DNPH1: variants seen among roughly 807,000 people sequenced by gnomAD.
DNPH1 encodes 2'-deoxynucleoside 5'-phosphate N-hydrolase 1.
A neutral mutation model predicts 15.7 loss-of-function variants in DNPH1; 18 were observed. The observed-to-expected ratio is 1.15, with a 90% CI of 0.79 to 1.70. The LOEUF (loss-of-function observed/expected upper bound fraction) is 1.70. Ranked by LOEUF, DNPH1 falls within the 40% of genes most tolerant of loss-of-function variation. The probability of loss-of-function intolerance (pLI) is 0.00; values close to 1 mark genes in which losing one functional copy is unlikely to be tolerated. For synonymous variants in DNPH1, 114 were observed against 107.9 expected, an observed-to-expected ratio of 1.06 and a Z score of -0.35; for missense variants, 262 against 255.2, an observed-to-expected ratio of 1.03 and a Z score of -0.18.
Position 43,225,791 on chromosome 6 carries a change from C to G in DNPH1, c.467G>C (p.Arg156Pro), listed in dbSNP as rs373245097. 130 of 1,614,084 alleles carry G rather than the reference C, an allele frequency of 8.1e-5. No homozygotes were observed. Among genetic ancestry groups the G allele is most frequent in the Non-Finnish European group, 1.1e-4 (127 of 1,180,054 alleles). ...CCCTGGAGGATCAGCCTCGAAGTAT[C>G]GATCCAGCAGGGCCTCCACCTCTCC... ...EEGEVEALLD[R>P]YFEADPPGQV... is the part of the protein sequence containing the mutation. Residue 156 changes from arginine to proline, a missense_variant, in exon 4 of 4, where the codon CGA becomes CCA. By Grantham distance (103) the Arg-to-Pro change is moderately radical. Transcript: ENST00000230431.
At chr6:43,228,280 G>A (rs1776772464) in intron 1 of DNPH1, among the ~76,000 whole-genome samples, 1 of 151,318 alleles carries the variant, frequency 6.6e-6, no homozygotes, top group African/African-American at 2.4e-5. Context: ...AACATAGTGA[G>A]ACTCCCAATC....
Position 43,226,482 on chromosome 6 carries a change from T to G in DNPH1, c.197-87A>C. 3.3e-6 allele frequency: 4 copies of G among 1,207,242 alleles called. No homozygotes were observed. The highest frequency in any genetic ancestry group is 4.6e-6 in the Non-Finnish European group (4 of 873,406). The allele number at this position is 1,207,242 out of a possible 1,614,324, so 74.8% of individuals were successfully genotyped here. A position where few individuals can be genotyped will look rare whatever the true frequency, so the allele number is the denominator to read the frequency against. Reference sequence around the variant, plus strand: ...CCTTGTATGTCCATACCCACCCTGCTCAGGGAGGGTGGGAGCCTTGTGCCA... The same window carrying G: ...CCTTGTATGTCCATACCCACCCTGCGCAGGGAGGGTGGGAGCCTTGTGCCA... On this transcript the variant is annotated intron_variant, in intron 1 of 3. Transcript: ENST00000230431. This position sits in a 1 kb window ranked among gnomAD's most constrained non-coding sequence, Gnocchi z 4.1.
chr6:43,227,053 G>A (rs1485763635), intron 1 of DNPH1, among the ~76,000 whole-genome samples: 1 of 151,904 alleles, frequency 6.6e-6, no homozygotes, highest in Non-Finnish European at 1.5e-5. Flanking sequence ...GTTGCAGTGA[G>A]CTGAGATCGC....
In DNPH1 at chr6:43,225,762, C is replaced by T. The variant is rs769545714; in HGVS notation, c.496G>A (p.Val166Met). The change falls in exon 4 of 4, where the codon GTG becomes ATG. Residue 166 changes from valine to methionine, a missense_variant. By Grantham distance (21) the Val-to-Met change is conservative (BLOSUM62 1). Coordinates refer to ENST00000230431, the MANE Select transcript of DNPH1 (RefSeq NM_006443.3). Reference sequence around the variant, plus strand: ...GTGGTTGGGTCAGGGGAGGCAGCCACCTGCCCTGGAGGATCAGCCTCGAAG... The same window carrying T: ...GTGGTTGGGTCAGGGGAGGCAGCCATCTGCCCTGGAGGATCAGCCTCGAAG... ...RYFEADPPGQ[V>M]AASPDPTT The T allele has an allele frequency of 3.1e-6, 5 of 1,614,074 alleles. No homozygotes were observed. The African/African-American group carries it at 6.7e-5, about 22-fold the overall frequency.
rs1476997675 is a variant in DNPH1, at chr6:43,226,509, A to G, written c.197-114T>C. 5.7e-6 allele frequency: 5 copies of G among 873,256 alleles called. No homozygotes were observed. The East Asian group carries it at 1.1e-4, about 19-fold the overall frequency. 54.1% of individuals were successfully genotyped at this position (873,256 alleles called of 1,614,324 possible). On this transcript the variant is annotated intron_variant, in intron 1 of 3. Coordinates refer to ENST00000230431, the MANE Select transcript of DNPH1 (RefSeq NM_006443.3). This position sits in a 1 kb window ranked among gnomAD's most constrained non-coding sequence, Gnocchi z 4.1. The stretch of plus-strand genomic sequence containing the variant: ...AGGGAGGGTGGGAGCCTTGTGCCAG[A>G]TGACCTGACCAAACATGACAATCTC...
In DNPH1 at chr6:43,225,876, A is replaced by G. The variant is rs1776721517; in HGVS notation, c.382T>C (p.Ser128Pro). Residue 128 changes from serine (S) to proline (P), a missense_variant, in exon 4 of 4, where the codon TCG (serine) becomes CCG (proline). Ser to Pro is a moderately conservative substitution (Grantham distance 74, BLOSUM62 -1). Coordinates refer to ENST00000230431, the MANE Select transcript of DNPH1 (RefSeq NM_006443.3). ...TCTGCTGCTCCCCGGATCATGGCCG[A>G]AAGCACTGGAAAGGGCAGGGAAAGG... is the stretch of plus-strand genomic sequence containing the variant. ...LFRPQSGRVL[S>P]AMIRGAADGS... 6.2e-7 allele frequency: 1 copy of G among 1,613,946 alleles called. No homozygotes were observed. The highest frequency in any genetic ancestry group is 1.1e-5 in the South Asian group (1 of 91,072).
At chr6:43,227,296 T>C (rs563671387) in intron 1 of DNPH1, among the ~76,000 whole-genome samples, 1 of 151,800 alleles carries the variant, frequency 6.6e-6, no homozygotes, top group East Asian at 1.9e-4. Flanking sequence ...GCGCCTGTAA[T>C]CCCAGCTACT....
chr6:43,226,134 G>A lies in DNPH1; in HGVS notation c.275C>T (p.Ala92Val). Reference protein sequence around the residue: ...EWLQQADVVVAEVTQPSLGVG... With the variant: ...EWLQQADVVVVEVTQPSLGVG... ...ACCCAAGGATGGCTGTGTCACTTCTGCCACGACCACTGGGAGGAAAGATGA... is the reference window on the plus strand; with the variant it reads ...ACCCAAGGATGGCTGTGTCACTTCTACCACGACCACTGGGAGGAAAGATGA... The change falls in exon 3 of 4, where the codon GCA becomes GTA. Residue 92 changes from alanine (A) to valine (V), a missense_variant. By Grantham distance (64) the Ala-to-Val change is moderately conservative. Coordinates refer to ENST00000230431, the MANE Select transcript of DNPH1 (RefSeq NM_006443.3). This position sits in a 1 kb window ranked among gnomAD's most constrained non-coding sequence, Gnocchi z 4.1. 6.2e-7 allele frequency: 1 copy of A among 1,613,210 alleles called. No individual in the cohort carries two copies.
At chr6:43,228,545 G>A (rs910187629) in intron 1 of DNPH1, among the ~76,000 whole-genome samples, 1 of 152,126 alleles carries the variant, frequency 6.6e-6, no homozygotes, top group African/African-American at 2.4e-5. Flanking sequence ...GGGGAGGCAG[G>A]CCCTGGGCGG....
At position 43,229,443 on chromosome 6, in the gene DNPH1, A is replaced by G. The variant is rs992282412; in HGVS notation, c.14T>C (p.Met5Thr). Residue 5 changes from methionine (M) to threonine (T), a missense_variant, in exon 1 of 4, where the codon ATG (methionine) becomes ACG (threonine). Coordinates refer to ENST00000230431, the MANE Select transcript of DNPH1 (RefSeq NM_006443.3). The part of the protein sequence containing the change: MAAA[M>T]VPGRSESWER... ...CCAGCTCTCGCTGCGCCCCGGCACC[A>G]TGGCAGCAGCCATTCCCCAGCCGCC... 3 of 1,340,470 alleles carry G rather than the reference A, an allele frequency of 2.2e-6. No homozygotes were observed. The highest frequency in any genetic ancestry group is 3.1e-5 in the East Asian group (1 of 32,132). The allele number at this position is 1,340,470 out of a possible 1,614,324, so 83.0% of individuals were successfully genotyped here.
intron 1 of DNPH1, 95 bp downstream of exon 1, chr6:43,229,166 G>A: frequency 8.2e-7 from 1 of 1,226,612 alleles, no homozygotes; most frequent in Non-Finnish European, 1.0e-6. Context: ...CGGGAGCGCA[G>A]CTGCCGGGGG....
chr6:43,227,841 A>G (rs1776765866), intron 1 of DNPH1, among the ~76,000 whole-genome samples: 1 of 151,898 alleles, frequency 6.6e-6, no homozygotes, highest in Non-Finnish European at 1.5e-5. Context: ...TGTAATCCCA[A>G]CACTTTGGGA....
Position 43,226,549 on chromosome 6 carries a change from G to T in DNPH1, c.197-154C>A. 1 of 652,536 alleles carries T rather than the reference G, an allele frequency of 1.5e-6. No individual in the cohort carries two copies. The highest frequency in any genetic ancestry group is 2.6e-6 in the Non-Finnish European group (1 of 390,164). 40.4% of individuals were successfully genotyped at this position (652,536 alleles called of 1,614,324 possible). On this transcript the variant is annotated intron_variant, in intron 1 of 3. Coordinates refer to ENST00000230431, the MANE Select transcript of DNPH1 (RefSeq NM_006443.3). This position sits in a 1 kb window ranked among gnomAD's most constrained non-coding sequence, Gnocchi z 4.1. Reference sequence around the variant, plus strand: ...ATGACAATCTCATCAAAGCAGCGAGGAAATGGAATAGCCACAAAAAGAAAA... The same window carrying T: ...ATGACAATCTCATCAAAGCAGCGAGTAAATGGAATAGCCACAAAAAGAAAA...
In DNPH1 at chr6:43,226,489, G is replaced by A. The variant is rs1480119041; in HGVS notation, c.197-94C>T. On this transcript the variant is annotated intron_variant, in intron 1 of 3. Coordinates refer to ENST00000230431, the MANE Select transcript of DNPH1 (RefSeq NM_006443.3). This position sits in a 1 kb window ranked among gnomAD's most constrained non-coding sequence, Gnocchi z 4.1. ...TGTCCATACCCACCCTGCTCAGGGA[G>A]GGTGGGAGCCTTGTGCCAGATGACC... 5 of 1,176,274 alleles carry A rather than the reference G, an allele frequency of 4.3e-6. No homozygotes were observed. The highest frequency in any genetic ancestry group is 3.5e-6 in the Non-Finnish European group (3 of 851,048). 72.9% of individuals were successfully genotyped at this position (1,176,274 alleles called of 1,614,324 possible). A position where few individuals can be genotyped will look rare whatever the true frequency, so the allele number is the denominator to read the frequency against.
Position 43,226,260 on chromosome 6 carries a change from C to T in DNPH1, c.265+67G>A. The T allele has an allele frequency of 6.2e-7, 1 of 1,601,384 alleles. No individual in the cohort carries two copies. The highest frequency in any genetic ancestry group is 1.3e-5 in the African/African-American group (1 of 74,856). ...TGGGAGTCCCTTCTAGGTGTGGAGG[C>T]TGGGATGTCCAGGGGAACCCAGCAC... On this transcript the variant is annotated intron_variant, in intron 2 of 3. Coordinates refer to ENST00000230431, the MANE Select transcript of DNPH1 (RefSeq NM_006443.3). The surrounding 1 kb of genome is among the most constrained non-coding windows in gnomAD (Gnocchi z 4.1).
intron 1 of DNPH1, among the ~76,000 whole-genome samples, chr6:43,228,808 AGAGT>A (rs199864042): frequency 0.025 from 3,822 of 152,256 alleles, 165 homozygotes; most frequent in African/African-American, 0.085. Context: ...CCTGGGCGAC[AGAGT>A]GAGATTCCGT....
At position 43,226,329 on chromosome 6, in the gene DNPH1, T is replaced by G; in HGVS notation, c.263A>C (p.Asp88Ala). The G allele has an allele frequency of 1.2e-6, 2 of 1,612,254 alleles. No individual in the cohort carries two copies. Among genetic ancestry groups the G allele is most frequent in the Non-Finnish European group, 1.7e-6 (2 of 1,179,800 alleles). The change falls in exon 2 of 4, where the codon GAC becomes GCC. Residue 88 changes from aspartate to alanine, a missense_variant and splice_region_variant. Transcript: ENST00000230431. The surrounding 1 kb of genome is among the most constrained non-coding windows in gnomAD (Gnocchi z 4.1). ...EQDLEWLQQA[D>A]VVVAEVTQPS... ...TGGAAGGAGGGAGCGCCACTCACCG[T>G]CCGCCTGCTGCAGCCACTCCAGGTC... is the stretch of plus-strand genomic sequence containing the variant.
rs1000857876 is a variant in DNPH1, at chr6:43,226,776, C to T, written c.197-381G>A. On this transcript the variant is annotated intron_variant, in intron 1 of 3. Transcript: ENST00000230431. The surrounding 1 kb of genome is among the most constrained non-coding windows in gnomAD (Gnocchi z 4.1). Reference sequence around the variant, plus strand: ...TCCAGGACAGTGAGGCTCAGCCCACCGCATCAGGGTAGGACCACTGGGGAG... The same window carrying T: ...TCCAGGACAGTGAGGCTCAGCCCACTGCATCAGGGTAGGACCACTGGGGAG... The T allele has an allele frequency of 2.3e-5, 5 of 218,954 alleles. No individual in the cohort carries two copies. The highest frequency in any genetic ancestry group is 1.3e-4 in the East Asian group (1 of 7,954). The allele number at this position is 218,954 out of a possible 1,614,324, so 13.6% of individuals were successfully genotyped here. A position where few individuals can be genotyped will look rare whatever the true frequency, so the allele number is the denominator to read the frequency against.
Position 43,229,406 on chromosome 6 carries a change from C to A in DNPH1, c.51G>T (p.Glu17Asp). 1.4e-6 allele frequency: 2 copies of A among 1,426,308 alleles called. No homozygotes were observed. The highest frequency in any genetic ancestry group is 5.2e-5 in the Admixed American group (2 of 38,786). 88.4% of individuals were successfully genotyped at this position (1,426,308 alleles called of 1,614,324 possible). Residue 17 changes from glutamate (E) to aspartate (D), a missense_variant, in exon 1 of 4, where the codon GAG (glutamate) becomes GAT (aspartate). Physicochemically the swap from Glu to Asp is conservative, Grantham distance 45 (BLOSUM62 2). Coordinates refer to ENST00000230431, the MANE Select transcript of DNPH1 (RefSeq NM_006443.3). ...AGAAGTACAGGGCCGGGCGGCCAGG[C>A]TCCCCGCGCTCCCAGCTCTCGCTGC... Reference protein sequence around the residue: ...PGRSESWERGEPGRPALYFCG... With the variant: ...PGRSESWERGDPGRPALYFCG...
Sources: allele counts gnomAD v4.1 joint callset (sites outside exome capture counted in the v4.1 genomes callset), GRCh38; gene constraint gnomAD v4.1.1; non-coding constraint Gnocchi (gnomAD v3.1); transcripts MANE v1.5; gene names NCBI Gene and HGNC (gene_info 2026-07-23, HGNC 2026-07-21).